The following UVRAG variants were observed in gnomAD, a reference collection of about 807,000 sequenced individuals.
The protein encoded by UVRAG is UV radiation resistance-associated gene protein.
A neutral mutation model predicts 78.0 loss-of-function variants in UVRAG; 19 were observed. That is an observed-to-expected ratio of 0.24 (90% confidence interval 0.17 to 0.36). The LOEUF (loss-of-function observed/expected upper bound fraction) is 0.36. UVRAG is among the 10% of genes least tolerant of loss of function. The pLI, the probability that UVRAG is intolerant of heterozygous loss-of-function variation, is 1.00. For synonymous variants in UVRAG, 323 were observed against 324.6 expected (o/e 1.00, Z 0.05); for missense variants, 740 against 853.8 (o/e 0.87, Z 1.66).
rs1340368290 is a variant in UVRAG, at chr11:75,983,389, A to G, written c.702A>G (p.Lys234=). 7.6e-6 allele frequency: 12 copies of G among 1,588,616 alleles called. No homozygotes were observed. The highest frequency in any genetic ancestry group is 3.5e-5 in the South Asian group (3 of 85,608). The change falls in exon 8 of 15, where the codon AAA becomes AAG. Residue 234 remains lysine (K), a splice_region_variant and synonymous_variant. Transcript: ENST00000356136. Reference sequence around the variant, plus strand: ...TACCTGTGATTTTATTTATTTAGAAAAAAAAAAGTGAATGCCTGCAGTTAA... The same window carrying G: ...TACCTGTGATTTTATTTATTTAGAAGAAAAAAAGTGAATGCCTGCAGTTAA... ...LRLTSTSNEL[K]KKSECLQLKI...
At chr11:75,929,283 A>T (rs1948180418) in intron 6 of UVRAG, among the ~76,000 whole-genome samples, 1 of 152,220 alleles carries the variant, frequency 6.6e-6, no homozygotes, top group Non-Finnish European at 1.5e-5. Flanking sequence ...TTGAAATAAA[A>T]TGTCATTAGT....
At chr11:75,846,754 C>A (rs1033998671) in intron 1 of UVRAG, among the ~76,000 whole-genome samples, 1 of 152,038 alleles carries the variant, frequency 6.6e-6, no homozygotes, top group Non-Finnish European at 1.5e-5. Flanking sequence ...CTGTTTGTCT[C>A]TTCTTTTGCC....
intron 3 of UVRAG, among the ~76,000 whole-genome samples, chr11:75,864,949 G>A (rs1402588369): frequency 6.6e-6 from 1 of 152,136 alleles, no homozygotes; most frequent in Admixed American, 6.5e-5. Flanking sequence ...GAGTGGCTTG[G>A]TTTCATCACT....
chr11:75,930,939 C>CTTTCTTTCTTTT (rs1555089516), intron 6 of UVRAG: 4 of 141,052 alleles, frequency 2.8e-5, no homozygotes, highest in African/African-American at 1.1e-4. Flanking sequence ...TTCTTTCTTT[C>CTTTCTTTCTTTT]TTTCTTTCTT....
At chr11:75,895,340 A>G (rs960546050) in intron 5 of UVRAG, among the ~76,000 whole-genome samples, 7 of 152,088 alleles carry the variant, frequency 4.6e-5, no homozygotes, top group African/African-American at 1.2e-4. Context: ...TTATCTGTTC[A>G]TAACTTTTCC....
chr11:75,846,165 G>GTGA (rs1946029022), intron 1 of UVRAG, among the ~76,000 whole-genome samples: 1 of 152,206 alleles, frequency 6.6e-6, no homozygotes, highest in East Asian at 1.9e-4. Context: ...CCTCTAGGAT[G>GTGA]TGAAGTACCA....
chr11:76,042,202 A>T (rs1470925938), intron 12 of UVRAG, among the ~76,000 whole-genome samples: 4 of 152,222 alleles, frequency 2.6e-5, no homozygotes, highest in Non-Finnish European at 4.4e-5. Flanking sequence ...CATCCATAAG[A>T]TGGAATACTA....
At chr11:76,127,802 C>A (rs1952437028) in intron 14 of UVRAG, among the ~76,000 whole-genome samples, 1 of 151,946 alleles carries the variant, frequency 6.6e-6, no homozygotes, top group Non-Finnish European at 1.5e-5. Flanking sequence ...ACTAAAAATA[C>A]AAAAATTAGC....
intron 14 of UVRAG, among the ~76,000 whole-genome samples, chr11:76,129,539 G>A (rs1407171208): frequency 1.3e-5 from 2 of 152,122 alleles, no homozygotes; most frequent in South Asian, 2.1e-4. Context: ...GTGCCCATGC[G>A]TTTTTCTACC....
intron 2 of UVRAG, 129 bp downstream of exon 2, chr11:75,852,129 T>C: frequency 1.6e-6 from 1 of 610,014 alleles, no homozygotes; most frequent in East Asian, 2.9e-5. Flanking sequence ...TGTCTGAAAA[T>C]ATCTCATGAG....
At chr11:75,963,767 T>A (rs978202011) in intron 7 of UVRAG, among the ~76,000 whole-genome samples, 2 of 152,242 alleles carry the variant, frequency 1.3e-5, no homozygotes, top group African/African-American at 2.4e-5. Context: ...GGCATTTAAT[T>A]TTATTTCTTA....
chr11:75,880,528 C>T (rs1348718311), intron 4 of UVRAG, among the ~76,000 whole-genome samples: 3 of 152,148 alleles, frequency 2.0e-5, no homozygotes, highest in Non-Finnish European at 4.4e-5. Flanking sequence ...CTGCTGTACC[C>T]ATGACTGATG....
chr11:75,923,238 T>A (rs554242848), intron 6 of UVRAG, among the ~76,000 whole-genome samples: 1 of 152,180 alleles, frequency 6.6e-6, no homozygotes, highest in South Asian at 2.1e-4. Context: ...TATATTTTCT[T>A]CCTTTATAAT....
chr11:76,075,968 T>C (rs755604441), intron 13 of UVRAG, among the ~76,000 whole-genome samples: 1 of 152,214 alleles, frequency 6.6e-6, no homozygotes, highest in Non-Finnish European at 1.5e-5. Flanking sequence ...TGTATGTATA[T>C]ACGACATGTT....
At chr11:75,948,150 T>C in intron 6 of UVRAG, among the ~76,000 whole-genome samples, 1 of 152,196 alleles carries the variant, frequency 6.6e-6, no homozygotes, top group Non-Finnish European at 1.5e-5. Context: ...CATGGTGGTT[T>C]TTTTCTTTTG....
chr11:75,816,881 G>A (rs1162041823), intron 1 of UVRAG, among the ~76,000 whole-genome samples: 1 of 152,014 alleles, frequency 6.6e-6, no homozygotes, highest in Non-Finnish European at 1.5e-5. Flanking sequence ...AAAGGGAAGA[G>A]AAGAGTTGGA....
chr11:75,823,848 A>G (rs116905043), intron 1 of UVRAG, among the ~76,000 whole-genome samples: 5 of 152,076 alleles, frequency 3.3e-5, no homozygotes, highest in African/African-American at 1.2e-4. Context: ...TTTTTTGTTT[A>G]TGAGTCTTTC....
chr11:75,867,729 C>A (rs556043912), intron 3 of UVRAG, among the ~76,000 whole-genome samples: 14 of 152,332 alleles, frequency 9.2e-5, no homozygotes, highest in African/African-American at 3.1e-4. Context: ...TTTATACTCT[C>A]ACCCCCAGTC....
intron 1 of UVRAG, among the ~76,000 whole-genome samples, chr11:75,838,441 G>A (rs1945833089): frequency 6.6e-6 from 1 of 151,932 alleles, no homozygotes; most frequent in Admixed American, 6.5e-5. Flanking sequence ...GGGCTCAATC[G>A]ATCCTCCCAC....
Sources: gnomAD v4.1 joint callset for allele counts (sites outside exome capture counted in the v4.1 genomes callset) on GRCh38, gnomAD v4.1.1 for gene constraint, MANE v1.5 for transcripts, NCBI Gene and HGNC (gene_info 2026-07-23, HGNC 2026-07-21) for gene names.